DAG1: variants seen among roughly 807,000 people sequenced by gnomAD.
The protein encoded by DAG1 is dystroglycan 1 (dystrophin-associated glycoprotein 1).
A neutral mutation model predicts 46.1 loss-of-function variants in DAG1; 8 were observed. The observed-to-expected ratio is 0.17, with a 90% CI of 0.10 to 0.31. The LOEUF (loss-of-function observed/expected upper bound fraction) is 0.31. DAG1 is among the 10% of genes least tolerant of loss of function. DAG1 has a pLI of 1.00. For synonymous variants in DAG1, 495 were observed against 481.8 expected (o/e 1.03, Z -0.36); for missense variants, 1,003 against 1,189.9 (o/e 0.84, Z 2.31).
Position 49,531,783 on chromosome 3 carries a change from C to G in DAG1, c.1272C>G (p.Thr424=), listed in dbSNP as rs762908401. Residue 424 remains threonine, a synonymous_variant, in exon 3 of 3, where the codon ACC becomes ACG. Coordinates refer to ENST00000308775, the MANE Select transcript of DAG1 (RefSeq NM_004393.6). The surrounding 1 kb of genome is among the most constrained non-coding windows in gnomAD (Gnocchi z 7.0). ...TTGCTACCCCTCCCACAACCACCAC[C>G]AAGAAGCCACGAGTATCCACACCAA... ...TAVATPPTTT[T]KKPRVSTPKP... 1 of 1,613,950 alleles carries G rather than the reference C, an allele frequency of 6.2e-7. No individual in the cohort carries two copies. The highest frequency in any genetic ancestry group is 1.7e-5 in the Admixed American group (1 of 60,004).
rs775575894 is a variant in DAG1, at chr3:49,531,082, T to C, written c.571T>C (p.Leu191=). The C allele has an allele frequency of 1.2e-6, 2 of 1,614,162 alleles. No homozygotes were observed. Among genetic ancestry groups the C allele is most frequent in the South Asian group, 1.1e-5 (1 of 91,080 alleles). The change falls in exon 3 of 3, where the codon TTG becomes CTG. Residue 191 remains leucine (L), a synonymous_variant. Coordinates refer to ENST00000308775, the MANE Select transcript of DAG1 (RefSeq NM_004393.6). The surrounding 1 kb of genome is among the most constrained non-coding windows in gnomAD (Gnocchi z 7.0). ...ACAADEPVTV[L]TVILDADLTK... The stretch of plus-strand genomic sequence containing the variant: ...TGCTGCGGATGAACCTGTGACTGTT[T>C]TGACGGTGATTTTGGATGCCGACCT...
intron 2 of DAG1, among the ~76,000 whole-genome samples, chr3:49,524,681 C>CA (rs994050145): frequency 6.6e-6 from 1 of 151,418 alleles, no homozygotes; most frequent in Non-Finnish European, 1.5e-5. Flanking sequence ...GACCCTGGCT[C>CA]AAAAAAATGT....
chr3:49,531,761 C>G lies in DAG1; in HGVS notation c.1250C>G (p.Ala417Gly), dbSNP rs1210792928. The G allele has an allele frequency of 6.2e-7, 1 of 1,614,072 alleles. No individual in the cohort carries two copies. The highest frequency in any genetic ancestry group is 1.7e-5 in the Admixed American group (1 of 60,016). ...GGCTATGTGGAGCCTACTGCAGTTG[C>G]TACCCCTCCCACAACCACCACCAAG... The part of the protein sequence containing the change: ...IPGYVEPTAV[A>G]TPPTTTTKKP... The change falls in exon 3 of 3, where the codon GCT becomes GGT. Residue 417 changes from alanine (A) to glycine (G), a missense_variant. Ala to Gly is a moderately conservative substitution (Grantham distance 60, BLOSUM62 0). Transcript: ENST00000308775. This position sits in a 1 kb window ranked among gnomAD's most constrained non-coding sequence, Gnocchi z 7.0.
intron 2 of DAG1, among the ~76,000 whole-genome samples, chr3:49,521,227 G>C (rs1329350977): frequency 6.6e-6 from 1 of 151,826 alleles, no homozygotes; most frequent in African/African-American, 2.4e-5. Flanking sequence ...GCAGTGGCGC[G>C]ATCTCGGCTC....
intron 2 of DAG1, among the ~76,000 whole-genome samples, chr3:49,515,388 GTT>G (rs71627397): frequency 8.4e-5 from 11 of 130,200 alleles, no homozygotes; most frequent in Admixed American, 7.9e-5. Context: ...TTCTTGTGTT[GTT>G]TTTTTTTTTT....
Position 49,507,579 on chromosome 3 carries a change from T to TA in DAG1, c.-116-2831dup, listed in dbSNP as rs199669892. 3.0e-3 allele frequency among the ~76,000 whole-genome samples: 452 copies of TA among 151,400 alleles called. 3 individuals carry two copies. Among genetic ancestry groups the TA allele is most frequent in the African/African-American group, 0.01 (425 of 41,390 alleles). On this transcript the variant is annotated intron_variant, in intron 1 of 2. Coordinates refer to ENST00000308775, the MANE Select transcript of DAG1 (RefSeq NM_004393.6). The stretch of plus-strand genomic sequence containing the variant: ...TCCATCTCAAATAAATAAATAAATT[T>TA]AAAAAAAAATTACAAATTCAATTTC...
intron 1 of DAG1, among the ~76,000 whole-genome samples, chr3:49,484,427 A>G (rs2049964315): frequency 6.6e-6 from 1 of 152,040 alleles, no homozygotes; most frequent in African/African-American, 2.4e-5. Flanking sequence ...TGCTGACTAG[A>G]GAGGGATATC....
intron 1 of DAG1, among the ~76,000 whole-genome samples, chr3:49,509,821 C>A (rs1244214290): frequency 6.6e-6 from 1 of 152,084 alleles, no homozygotes; most frequent in Non-Finnish European, 1.5e-5. Flanking sequence ...CTCCACCTCC[C>A]GGGTTCAAGT....
intron 2 of DAG1, among the ~76,000 whole-genome samples, chr3:49,511,935 C>A (rs780680864): frequency 6.6e-6 from 1 of 152,212 alleles, no homozygotes; most frequent in Non-Finnish European, 1.5e-5. Flanking sequence ...TAAAACTTTA[C>A]GGTGGATACT....
chr3:49,496,097 TA>T (rs1196173369), intron 1 of DAG1, among the ~76,000 whole-genome samples: 2 of 152,178 alleles, frequency 1.3e-5, no homozygotes, highest in Admixed American at 1.3e-4. Flanking sequence ...AAAAGCCTCC[TA>T]AAGTATTTTC....
In DAG1 at chr3:49,531,294, G is replaced by A; in HGVS notation, c.783G>A (p.Lys261=). ...AGAATGGGGCCCTTCTCTCCTGGAA[G>A]CTGGGCTGCTCCCTGAACCAGAACA... ...VVENGALLSW[K]LGCSLNQNSV... is the part of the protein sequence containing the mutation. The change falls in exon 3 of 3, where the codon AAG becomes AAA. Residue 261 remains lysine, a synonymous_variant. Transcript: ENST00000308775. This position sits in a 1 kb window ranked among gnomAD's most constrained non-coding sequence, Gnocchi z 7.0. The A allele has an allele frequency of 1.2e-6, 2 of 1,614,196 alleles. No individual in the cohort carries two copies. The highest frequency in any genetic ancestry group is 1.7e-6 in the Non-Finnish European group (2 of 1,180,036).
At chr3:49,511,121 GT>G in intron 2 of DAG1, 1 of 371,484 alleles carries the variant, frequency 2.7e-6, no homozygotes, top group Non-Finnish European at 3.7e-6. Flanking sequence ...ATAGGGAAAG[GT>G]TACCTTTAAT....
chr3:49,525,837 C>T (rs1433245597), intron 2 of DAG1, among the ~76,000 whole-genome samples: 43 of 150,194 alleles, frequency 2.9e-4, no homozygotes, highest in African/African-American at 7.6e-4. Context: ...GGATTACAGG[C>T]GTGAGCCACC....
intron 2 of DAG1, among the ~76,000 whole-genome samples, chr3:49,521,521 G>A (rs1178512286): frequency 2.6e-5 from 4 of 151,086 alleles, no homozygotes; most frequent in South Asian, 2.1e-4. Flanking sequence ...GTGCGGTGGC[G>A]CAATCATAGC....
chr3:49,475,256 C>G (rs573563883), intron 1 of DAG1, among the ~76,000 whole-genome samples: 3 of 151,578 alleles, frequency 2.0e-5, no homozygotes, highest in Non-Finnish European at 2.9e-5. Flanking sequence ...AGGCATGCGT[C>G]AGCATGCCTG....
chr3:49,514,365 G>A (rs2050838479), intron 2 of DAG1, among the ~76,000 whole-genome samples: 1 of 152,302 alleles, frequency 6.6e-6, no homozygotes, highest in South Asian at 2.1e-4. Flanking sequence ...ACCATTCAGA[G>A]TGAAGTCCTC....
intron 1 of DAG1, among the ~76,000 whole-genome samples, chr3:49,474,175 C>T (rs574664389): frequency 6.6e-6 from 1 of 152,262 alleles, no homozygotes; most frequent in East Asian, 1.9e-4. Flanking sequence ...CTGTCTTGCC[C>T]TCCCGAGTAG....
At chr3:49,473,185 G>T (rs1240244672) in intron 1 of DAG1, among the ~76,000 whole-genome samples, 1 of 151,914 alleles carries the variant, frequency 6.6e-6, no homozygotes. Flanking sequence ...GGAGGCTGAG[G>T]CGGGTGGATC....
chr3:49,530,611 T>C (rs1337364903), intron 2 of DAG1, among the ~76,000 whole-genome samples, 186 bp from the exon 3 acceptor site: 1 of 152,182 alleles, frequency 6.6e-6, no homozygotes, highest in African/African-American at 2.4e-5. Context: ...GCCCATCTCA[T>C]AGCCCTAGTC....
Sources: gnomAD v4.1 joint callset for allele counts (sites outside exome capture counted in the v4.1 genomes callset) on GRCh38, gnomAD v4.1.1 for gene constraint, Gnocchi (gnomAD v3.1) non-coding constraint, MANE v1.5 for transcripts, NCBI Gene and HGNC (gene_info 2026-07-23, HGNC 2026-07-21) for gene names.